COL4A2: variants seen among roughly 807,000 people sequenced by gnomAD.
COL4A2 encodes collagen alpha-2(IV) chain.
In COL4A2, 99 loss-of-function variants were observed where a neutral mutation model predicts 200.2. The ratio of observed to expected loss-of-function variants is 0.49; its 90% CI spans 0.42 to 0.58. The LOEUF (loss-of-function observed/expected upper bound fraction) is 0.58, where lower values mean the gene tolerates loss of function less well. Among genes scored for constraint, COL4A2 ranks in the 20% least tolerant of loss-of-function variants. The pLI is 0.00. For missense variants in COL4A2, 1,950 were observed against 2,314.1 expected (o/e 0.84, Z 3.23); for synonymous variants, 897 against 900.6 (o/e 1.00, Z 0.07).
intron 6 of COL4A2, among the ~76,000 whole-genome samples, chr13:110,426,687 A>G (rs1206347918): frequency 3.9e-5 from 6 of 152,372 alleles, no homozygotes. Context: ...GCACAATTTC[A>G]GACTCAGATT....
chr13:110,426,967 A>G (rs534855393), intron 6 of COL4A2, among the ~76,000 whole-genome samples: 1 of 152,362 alleles, frequency 6.6e-6, no homozygotes, highest in East Asian at 1.9e-4. Flanking sequence ...CTGGCTCACC[A>G]GAGAGTTTGA....
chr13:110,416,537 T>C (rs748094573), intron 4 of COL4A2, among the ~76,000 whole-genome samples: 2 of 152,230 alleles, frequency 1.3e-5, no homozygotes, highest in Non-Finnish European at 2.9e-5. Flanking sequence ...ATATCCAGAA[T>C]ATAAAAAGTT....
chr13:110,465,151 G>T (rs981532349), intron 24 of COL4A2, among the ~76,000 whole-genome samples: 1 of 152,196 alleles, frequency 6.6e-6, no homozygotes, highest in African/African-American at 2.4e-5. Flanking sequence ...TGGCGGGTGG[G>T]AAGAGAGAAA....
chr13:110,383,278 T>C (rs1878560604), intron 4 of COL4A2, among the ~76,000 whole-genome samples: 1 of 152,256 alleles, frequency 6.6e-6, no homozygotes, highest in Non-Finnish European at 1.5e-5. Context: ...TGATTAGCCA[T>C]ATGTACCATT....
intron 3 of COL4A2, among the ~76,000 whole-genome samples, chr13:110,315,671 C>G (rs547486917): frequency 6.6e-6 from 1 of 152,346 alleles, no homozygotes; most frequent in Non-Finnish European, 1.5e-5. Context: ...GCTGGGATTA[C>G]AGGCATGAGC....
At chr13:110,467,511 A>T (rs1450122548) in intron 27 of COL4A2, among the ~76,000 whole-genome samples, 2 of 152,246 alleles carry the variant, frequency 1.3e-5, no homozygotes, top group African/African-American at 4.8e-5. Context: ...AAACGGGAAT[A>T]AACAAGGCTA....
chr13:110,404,257 T>G (rs1444139992), intron 4 of COL4A2, among the ~76,000 whole-genome samples: 1 of 152,246 alleles, frequency 6.6e-6, no homozygotes, highest in Non-Finnish European at 1.5e-5. Flanking sequence ...TAAGGTAAAC[T>G]TTCTGGGTCA....
At chr13:110,365,483 G>A (rs371273506) in intron 4 of COL4A2, among the ~76,000 whole-genome samples, 80 of 152,214 alleles carry the variant, frequency 5.3e-4, no homozygotes, top group African/African-American at 1.4e-3. Context: ...ATTGAATGGC[G>A]CACCAAAGTA....
chr13:110,322,684 A>G (rs1258988644), intron 3 of COL4A2, among the ~76,000 whole-genome samples: 2 of 152,148 alleles, frequency 1.3e-5, no homozygotes, highest in Non-Finnish European at 2.9e-5. Context: ...TGGAGAGTGG[A>G]GACAGGGAGC....
intron 10 of COL4A2, 161 bp downstream of exon 10, chr13:110,430,768 A>G: frequency 2.0e-6 from 2 of 993,348 alleles, no homozygotes; most frequent in Middle Eastern, 2.1e-4. Context: ...CATTCCTTGC[A>G]CACTTTGCTG....
chr13:110,360,913 G>T (rs923682280), intron 4 of COL4A2, among the ~76,000 whole-genome samples: 1 of 152,140 alleles, frequency 6.6e-6, no homozygotes, highest in Non-Finnish European at 1.5e-5. Context: ...ATTTCACCTG[G>T]GCCGAGGCCC....
At position 110,445,615 on chromosome 13, in the gene COL4A2, G is replaced by A. The variant is rs576732461; in HGVS notation, c.958-214G>A. ...GAATTCAGAGGCATAGCATCCAAGT[G>A]TTATATTTGGACTTTTTTGGCTCCT... On this transcript the variant is annotated intron_variant, in intron 16 of 47. Coordinates refer to ENST00000360467, the MANE Select transcript of COL4A2 (RefSeq NM_001846.4). Among the ~76,000 whole-genome samples the A allele has an allele frequency of 1.3e-4, 20 of 152,304 alleles. No homozygotes were observed. The South Asian group carries it at 3.9e-3, about 30-fold the overall frequency.
chr13:110,430,027 C>A, intron 8 of COL4A2, 71 bp downstream of exon 8: 1 of 1,423,248 alleles, frequency 7.0e-7, no homozygotes, highest in African/African-American at 1.5e-5. Flanking sequence ...AAGTTAATTG[C>A]CAAGTGAACT....
intron 15 of COL4A2, 27 bp from the exon 16 acceptor site, chr13:110,439,762 T>A (rs1220625399): frequency 6.2e-7 from 1 of 1,613,788 alleles, no homozygotes; most frequent in Admixed American, 1.7e-5. Flanking sequence ...TTCTGAGCTG[T>A]TTGCTTCTGT....
At chr13:110,421,943 A>G (rs1404302110) in intron 4 of COL4A2, among the ~76,000 whole-genome samples, 2 of 152,268 alleles carry the variant, frequency 1.3e-5, no homozygotes, top group Non-Finnish European at 2.9e-5. Flanking sequence ...GTTTTCATCA[A>G]TAAGACGTGC....
intron 20 of COL4A2, among the ~76,000 whole-genome samples, chr13:110,453,515 G>GA (rs915650508): frequency 2.3e-4 from 35 of 150,996 alleles, no homozygotes; most frequent in Middle Eastern, 3.4e-3. Context: ...TTAAAAAAAG[G>GA]AAAAAAAAAT....
At chr13:110,344,646 AC>A (rs1952414571) in intron 3 of COL4A2, among the ~76,000 whole-genome samples, 2 of 152,028 alleles carry the variant, frequency 1.3e-5, no homozygotes. Flanking sequence ...TCTATACGAG[AC>A]CCCAGGGCCG....
intron 47 of COL4A2, among the ~76,000 whole-genome samples, chr13:110,510,229 GATGCATTTTCTGCATT>G (rs1884040491): frequency 6.6e-6 from 1 of 152,202 alleles, no homozygotes; most frequent in African/African-American, 2.4e-5. Flanking sequence ...GGCCCCAGAG[GATGCATTTTCTGCATT>G]CCCTACAAGC....
chr13:110,424,669 C>T, intron 4 of COL4A2, 65 bp from the exon 5 acceptor site: 6 of 1,096,526 alleles, frequency 5.5e-6, no homozygotes, highest in Non-Finnish European at 7.9e-6. Flanking sequence ...TTGAAAGTAA[C>T]CGTAACTGAT....
Sources: allele counts gnomAD v4.1 joint callset (sites outside exome capture counted in the v4.1 genomes callset), GRCh38; gene constraint gnomAD v4.1.1; transcripts MANE v1.5; gene names NCBI Gene and HGNC (gene_info 2026-07-23, HGNC 2026-07-21).